MSRB3: variants seen among roughly 807,000 people sequenced by gnomAD.
MSRB3 encodes the protein methionine sulfoxide reductase B3.
MSRB3 carries 13 observed loss-of-function variants against 21.0 expected under a neutral mutation model. The observed-to-expected ratio is 0.62, with a 90% CI of 0.40 to 0.98. The LOEUF is 0.98. MSRB3 is among the 50% of genes least tolerant of loss of function. The pLI is 0.00. For missense variants in MSRB3, 199 were observed against 230.3 expected, an observed-to-expected ratio of 0.86 and a Z score of 0.88; for synonymous variants, 87 against 88.6, an observed-to-expected ratio of 0.98 and a Z score of 0.10.
intron 2 of MSRB3, among the ~76,000 whole-genome samples, chr12:65,311,461 C>T (rs562082128): frequency 1.3e-5 from 2 of 152,056 alleles, no homozygotes; most frequent in African/African-American, 4.8e-5. Context: ...GTATCATCAT[C>T]AATTTCTCTA....
intron 5 of MSRB3, among the ~76,000 whole-genome samples, chr12:65,439,825 G>A (rs1039583213): frequency 4.0e-5 from 6 of 151,548 alleles, no homozygotes; most frequent in Admixed American, 4.0e-4. Context: ...TCCAAAGATG[G>A]TTTTTTGAAA....
intron 4 of MSRB3, among the ~76,000 whole-genome samples, chr12:65,345,339 T>C (rs1043171589): frequency 1.3e-5 from 2 of 152,060 alleles, no homozygotes; most frequent in African/African-American, 4.8e-5. Context: ...GTCATTGGAC[T>C]AGGAAAATAA....
chr12:65,457,245 A>G (rs1180078562), intron 6 of MSRB3, among the ~76,000 whole-genome samples: 1 of 151,954 alleles, frequency 6.6e-6, no homozygotes, highest in African/African-American at 2.4e-5. Flanking sequence ...TTATGCTTTA[A>G]GTTCTGGGAA....
chr12:65,321,357 C>A (rs1052321222), intron 2 of MSRB3, among the ~76,000 whole-genome samples: 1 of 152,126 alleles, frequency 6.6e-6, no homozygotes, highest in Non-Finnish European at 1.5e-5. Context: ...AGCATAGTGT[C>A]TGACACTTTG....
In MSRB3 at chr12:65,400,182, A is replaced by G. The variant is rs572975534; in HGVS notation, c.292+31156A>G. Among the ~76,000 whole-genome samples the G allele has an allele frequency of 1.1e-4, 17 of 150,294 alleles. No individual in the cohort carries two copies. The South Asian group carries it at 3.6e-3, about 32-fold the overall frequency. ...GAATAGTTTCAGAAGGAATGGTACT[A>G]GCTCCTGTTTGTACCTCTGGTAGAA... On this transcript the variant is annotated intron_variant, in intron 5 of 6. Transcript: ENST00000308259.
At chr12:65,295,961 G>A (rs945808449) in intron 1 of MSRB3, among the ~76,000 whole-genome samples, 1 of 152,094 alleles carries the variant, frequency 6.6e-6, no homozygotes, top group Non-Finnish European at 1.5e-5. Flanking sequence ...ATGAGAGTAA[G>A]CAATATTGGC....
At chr12:65,304,166 A>G (rs528969493) in intron 1 of MSRB3, among the ~76,000 whole-genome samples, 35 of 152,338 alleles carry the variant, frequency 2.3e-4, no homozygotes, top group Non-Finnish European at 4.1e-4. Context: ...TTAAGCAGCC[A>G]TATCTATTGA....
chr12:65,290,526 T>A (rs1162854059), intron 1 of MSRB3, among the ~76,000 whole-genome samples: 1 of 152,366 alleles, frequency 6.6e-6, no homozygotes, highest in African/African-American at 2.4e-5. Context: ...CATGACACAA[T>A]GTAATTTTCC....
chr12:65,438,425 A>G (rs1806631886), intron 5 of MSRB3, among the ~76,000 whole-genome samples: 4 of 151,902 alleles, frequency 2.6e-5, no homozygotes, highest in South Asian at 2.1e-4. Flanking sequence ...CTATAGAGGA[A>G]CTCAAGTCTA....
At chr12:65,427,983 G>T (rs1354786471) in intron 5 of MSRB3, among the ~76,000 whole-genome samples, 1 of 152,216 alleles carries the variant, frequency 6.6e-6, no homozygotes, top group African/African-American at 2.4e-5. Flanking sequence ...AGAGTGTGAG[G>T]ACTCAAGAGG....
intron 5 of MSRB3, among the ~76,000 whole-genome samples, chr12:65,429,689 T>C (rs1021672996): frequency 6.6e-6 from 1 of 152,316 alleles, no homozygotes; most frequent in Admixed American, 6.5e-5. Flanking sequence ...AGTGGGATTT[T>C]ACCAGATCTG....
chr12:65,278,717 GGGGA>G lies in MSRB3; in HGVS notation c.-190_-187del. ...GCCGCCCCGTCCGTCGCCCGGAGCC[GGGGA>G]GGGAGGGAGCGAGGTTCGGACACCG... is the stretch of plus-strand genomic sequence containing the variant. On this transcript the variant is annotated 5_prime_UTR_variant, in exon 1 of 7. It removes the in-frame stop codon of an upstream open reading frame in the 5' UTR. Transcript: ENST00000308259. 3.3e-6 allele frequency: 5 copies of G among 1,499,830 alleles called. No homozygotes were observed. Among genetic ancestry groups the G allele is most frequent in the South Asian group, 1.2e-5 (1 of 83,864 alleles). The allele number at this position is 1,499,830 out of a possible 1,614,324, so 92.9% of individuals were successfully genotyped here.
chr12:65,354,470 C>G (rs1223774594), intron 4 of MSRB3, among the ~76,000 whole-genome samples: 2 of 151,928 alleles, frequency 1.3e-5, no homozygotes, highest in East Asian at 3.9e-4. Context: ...TCATTTCATT[C>G]ATTTGATCTT....
intron 4 of MSRB3, among the ~76,000 whole-genome samples, chr12:65,337,868 A>G (rs1323960490): frequency 6.6e-6 from 1 of 152,232 alleles, no homozygotes. Flanking sequence ...CAAATTATAT[A>G]ACTTACATGA....
At chr12:65,420,457 A>AT (rs1479981639) in intron 5 of MSRB3, among the ~76,000 whole-genome samples, 1 of 147,984 alleles carries the variant, frequency 6.8e-6, no homozygotes, top group Non-Finnish European at 1.5e-5. Flanking sequence ...AAAAATCTTT[A>AT]TTTTTTTAAA....
intron 1 of MSRB3, among the ~76,000 whole-genome samples, chr12:65,282,336 C>A (rs1345130274): frequency 2.6e-5 from 4 of 151,566 alleles, no homozygotes; most frequent in Non-Finnish European, 5.9e-5. Flanking sequence ...AAAAAAATTG[C>A]TCAGCACAGT....
In MSRB3 at chr12:65,465,200, T is replaced by A. The variant is rs1883511466; in HGVS notation, c.*1878T>A. 6.6e-6 allele frequency: 1 copy of A among 152,188 alleles called. No individual in the cohort carries two copies. The highest frequency in any genetic ancestry group is 2.1e-4 in the South Asian group (1 of 4,828). The allele number at this position is 152,188 out of a possible 1,614,324, so 9.4% of individuals were successfully genotyped here. On this transcript the variant is annotated 3_prime_UTR_variant, in exon 7 of 7. Coordinates refer to ENST00000308259, the MANE Select transcript of MSRB3 (RefSeq NM_001031679.3). ...GCTCTGCTCAGCTGCTTTATAACAT[T>A]AAGTCTGGCGGAATGGATGTCACTG...
At chr12:65,456,823 T>C (rs74863762) in intron 6 of MSRB3, among the ~76,000 whole-genome samples, 127 of 152,296 alleles carry the variant, frequency 8.3e-4, no homozygotes, top group Non-Finnish European at 1.6e-3. Context: ...TAACGAATGG[T>C]ATGTGTGCCA....
chr12:65,426,276 A>G (rs1881595111), intron 5 of MSRB3, among the ~76,000 whole-genome samples: 2 of 152,102 alleles, frequency 1.3e-5, no homozygotes, highest in African/African-American at 2.4e-5. Context: ...TTGCTTATCT[A>G]GGAAAGTGTT....
Sources: allele counts gnomAD v4.1 joint callset (sites outside exome capture counted in the v4.1 genomes callset), GRCh38; gene constraint gnomAD v4.1.1; transcripts MANE v1.5; gene names NCBI Gene and HGNC (gene_info 2026-07-23, HGNC 2026-07-21).